OSBPL10: variants seen among roughly 807,000 people sequenced by gnomAD.
OSBPL10 encodes the protein oxysterol binding protein like 10.
In OSBPL10, 49 loss-of-function variants were observed where a neutral mutation model predicts 81.7. The observed-to-expected ratio is 0.60, with a 90% confidence interval of 0.48 to 0.76. The LOEUF (loss-of-function observed/expected upper bound fraction) is 0.76, where lower values mean the gene tolerates loss of function less well. Among genes scored for constraint, OSBPL10 ranks in the 30% least tolerant of loss-of-function variants. The pLI is 0.00. For synonymous variants in OSBPL10, 419 were observed against 383.6 expected, an observed-to-expected ratio of 1.09 and a Z score of -1.08; for missense variants, 923 against 987.8, an observed-to-expected ratio of 0.93 and a Z score of 0.88.
intron 7 of OSBPL10, among the ~76,000 whole-genome samples, chr3:31,693,080 C>T (rs1345639049): frequency 6.6e-6 from 1 of 152,178 alleles, no homozygotes; most frequent in East Asian, 1.9e-4. Context: ...ACAGGCTTTG[C>T]TTGACAGTAT....
rs1219098150 is a variant in OSBPL10 at position 31,662,052 on chromosome 3, A to G, written c.*20T>C. The G allele has an allele frequency of 8.7e-6, 14 of 1,612,998 alleles. No homozygotes were observed. The highest frequency in any genetic ancestry group is 1.2e-5 in the Non-Finnish European group (14 of 1,179,628). ...CTACAAAAACAGGGCTATACTGGAAAGCTCTGCACCTCCACCCCATCAGTG... is the reference window on the plus strand; with the variant it reads ...CTACAAAAACAGGGCTATACTGGAAGGCTCTGCACCTCCACCCCATCAGTG... On this transcript the variant is annotated 3_prime_UTR_variant, in exon 12 of 12. Coordinates refer to ENST00000396556, the MANE Select transcript of OSBPL10 (RefSeq NM_017784.5).
chr3:31,974,188 T>C (rs1698636414), intron 1 of OSBPL10, among the ~76,000 whole-genome samples: 1 of 152,202 alleles, frequency 6.6e-6, no homozygotes, highest in Admixed American at 6.5e-5. Flanking sequence ...CGTGAAAACA[T>C]GTTCAGCCTC....
chr3:31,702,201 T>G (rs1384447363), intron 7 of OSBPL10, among the ~76,000 whole-genome samples, 158 bp downstream of exon 7: 7 of 152,154 alleles, frequency 4.6e-5, no homozygotes, highest in Admixed American at 4.6e-4. Flanking sequence ...CCTTTCAAAT[T>G]ATACCTGGAA....
chr3:31,917,735 C>G (rs1015687327), intron 1 of OSBPL10, among the ~76,000 whole-genome samples: 4 of 149,602 alleles, frequency 2.7e-5, no homozygotes, highest in African/African-American at 9.9e-5. Context: ...ACTGGACTAA[C>G]GCACTCTTTT....
intron 1 of OSBPL10, among the ~76,000 whole-genome samples, chr3:31,948,590 A>G (rs1030972083): frequency 3.9e-5 from 6 of 152,182 alleles, no homozygotes; most frequent in African/African-American, 1.2e-4. Context: ...TCCAATTTTT[A>G]TGGTGCTTTT....
chr3:31,894,600 ACTT>A (rs1233990716), intron 1 of OSBPL10, among the ~76,000 whole-genome samples: 1 of 152,168 alleles, frequency 6.6e-6, no homozygotes. Flanking sequence ...AAGGAAAAGA[ACTT>A]CTCTTCCAAA....
At chr3:32,015,823 G>GCAGC (rs1416835129) in intron 2 of OSBPL10, among the ~76,000 whole-genome samples, 1 of 152,214 alleles carries the variant, frequency 6.6e-6, no homozygotes, top group Non-Finnish European at 1.5e-5. Context: ...AGATATTTAT[G>GCAGC]CAGCCAAAAG....
chr3:32,047,043 A>G (rs2125428681), intron 1 of OSBPL10, among the ~76,000 whole-genome samples: 1 of 152,288 alleles, frequency 6.6e-6, no homozygotes, highest in South Asian at 2.1e-4. Flanking sequence ...ATTGTCACCC[A>G]GGCTGGAGTG....
rs76007754 is a variant in OSBPL10 at position 32,067,378 on chromosome 3, A to G, written n.185+10018T>C. 1.3e-3 allele frequency among the ~76,000 whole-genome samples: 195 copies of G among 152,240 alleles called. 1 individual carries two copies. In the East Asian group the frequency reaches 0.014, roughly 11 times the overall value. ...GTGTTCTCTCATCTTGAGGAGCAAT[A>G]AATTCAGCTTTGTCTTTTCAGTTGG... On this transcript the variant is annotated intron_variant and non_coding_transcript_variant, in intron 1 of 3. Coordinates refer to the OSBPL10 transcript ENST00000479173.
intron 4 of OSBPL10, among the ~76,000 whole-genome samples, chr3:31,773,440 C>T (rs757732906): frequency 6.6e-6 from 1 of 152,078 alleles, no homozygotes. Flanking sequence ...ATCACATAGG[C>T]TTATGAGGAA....
chr3:31,674,833 A>G (rs9842598), intron 8 of OSBPL10, among the ~76,000 whole-genome samples: 77,592 of 152,044 alleles, frequency 0.51, 23,074 homozygotes, highest in African/African-American at 0.83. Flanking sequence ...TTATAGCAAC[A>G]CAAATGGACT....
At chr3:31,718,773 G>A (rs1696538270) in intron 6 of OSBPL10, 1 of 151,904 alleles carries the variant, frequency 6.6e-6, no homozygotes, top group Non-Finnish European at 1.5e-5. Flanking sequence ...TTTTCAACTT[G>A]ACAAGTATCC....
intron 5 of OSBPL10, among the ~76,000 whole-genome samples, chr3:31,746,166 AG>A (rs1308872560): frequency 6.6e-6 from 1 of 152,200 alleles, no homozygotes; most frequent in Admixed American, 6.5e-5. Context: ...GGCATCTCAA[AG>A]GAATGCATTA....
In OSBPL10 at chr3:31,876,498, C is replaced by G; in HGVS notation, c.472G>C (p.Glu158Gln). 1 of 1,613,186 alleles carries G rather than the reference C, an allele frequency of 6.2e-7. No individual in the cohort carries two copies. Among genetic ancestry groups the G allele is most frequent in the Non-Finnish European group, 8.5e-7 (1 of 1,179,130 alleles). The change falls in exon 3 of 12, where the codon GAG becomes CAG. Residue 158 changes from glutamate (E) to glutamine (Q), a missense_variant. By Grantham distance (29) the Glu-to-Gln change is conservative. Coordinates refer to ENST00000396556, the MANE Select transcript of OSBPL10 (RefSeq NM_017784.5). ...AGCTGAGTCACCCAGAATTGTTTCT[C>G]TTTTGCATCAGCAGCTAAAATAGAG... ...MFKLRAADAK[E>Q]KQFWVTQLRA... is the part of the protein sequence containing the mutation.
chr3:31,749,350 T>C (rs1697641785), intron 4 of OSBPL10, among the ~76,000 whole-genome samples: 1 of 152,250 alleles, frequency 6.6e-6, no homozygotes, highest in African/African-American at 2.4e-5. Flanking sequence ...AATAGACACA[T>C]TCCACAGATG....
At chr3:31,696,051 A>C (rs1000474904) in intron 7 of OSBPL10, among the ~76,000 whole-genome samples, 2 of 152,192 alleles carry the variant, frequency 1.3e-5, no homozygotes, top group African/African-American at 4.8e-5. Context: ...TAATATATAG[A>C]TAGGAACTCA....
chr3:31,761,827 A>AAAAAAAAAAC (rs996116489), intron 4 of OSBPL10, among the ~76,000 whole-genome samples: 6 of 149,434 alleles, frequency 4.0e-5, no homozygotes, highest in African/African-American at 1.5e-4. Context: ...AAAAAAAAAA[A>AAAAAAAAAAC]AAAACCCTAA....
At chr3:32,047,230 G>A (rs1239114720) in intron 1 of OSBPL10, among the ~76,000 whole-genome samples, 1 of 152,060 alleles carries the variant, frequency 6.6e-6, no homozygotes, top group Non-Finnish European at 1.5e-5. Context: ...ACTCTCCTCA[G>A]CCTCCCAAAA....
intron 1 of OSBPL10, among the ~76,000 whole-genome samples, chr3:32,071,457 T>C (rs145181656): frequency 6.6e-6 from 1 of 151,268 alleles, no homozygotes; most frequent in Non-Finnish European, 1.5e-5. Flanking sequence ...CCCTGACTCA[T>C]CCCAACCCTT....
Sources: gnomAD v4.1 joint callset for allele counts (sites outside exome capture counted in the v4.1 genomes callset) on GRCh38, gnomAD v4.1.1 for gene constraint, MANE v1.5 for transcripts, NCBI Gene and HGNC (gene_info 2026-07-23, HGNC 2026-07-21) for gene names.